SYN3: variants seen among roughly 807,000 people sequenced by gnomAD.
SYN3 encodes the protein synapsin III.
SYN3 carries 35 observed loss-of-function variants against 65.8 expected under a neutral mutation model. That is an observed-to-expected ratio of 0.53 (90% CI 0.41 to 0.70). The LOEUF (loss-of-function observed/expected upper bound fraction) is 0.70, where lower values mean the gene tolerates loss of function less well. SYN3 is among the 30% of genes least tolerant of loss of function. The probability of loss-of-function intolerance (pLI) is 0.00; values close to 1 mark genes in which losing one functional copy is unlikely to be tolerated. For synonymous variants in SYN3, 270 were observed against 292.9 expected, an observed-to-expected ratio of 0.92 and a Z score of 0.80; for missense variants, 680 against 749.0, an observed-to-expected ratio of 0.91 and a Z score of 1.08.
intron 7 of SYN3, among the ~76,000 whole-genome samples, chr22:32,564,650 C>A (rs1269109526): frequency 2.0e-5 from 3 of 150,834 alleles, no homozygotes; most frequent in African/African-American, 7.3e-5. Context: ...TGCTCCCGGA[C>A]TGTACACAAA....
chr22:32,919,884 A>G (rs753207921), intron 4 of SYN3, among the ~76,000 whole-genome samples: 2 of 152,170 alleles, frequency 1.3e-5, no homozygotes, highest in African/African-American at 4.8e-5. Flanking sequence ...AAATGGGGAC[A>G]CATAGAAAAG....
chr22:32,762,993 A>T (rs983689723), intron 6 of SYN3, among the ~76,000 whole-genome samples: 1 of 152,216 alleles, frequency 6.6e-6, no homozygotes, highest in Admixed American at 6.5e-5. Context: ...CTAAATAACA[A>T]TAGCTACAAT....
chr22:32,942,120 T>A (rs568369309), intron 3 of SYN3, among the ~76,000 whole-genome samples: 1 of 152,316 alleles, frequency 6.6e-6, no homozygotes, highest in East Asian at 1.9e-4. Context: ...GCATGGAGTT[T>A]GAGATCTGAG....
chr22:32,869,201 G>A (rs912966800), intron 4 of SYN3, 76 bp from the exon 5 acceptor site: 1 of 1,532,932 alleles, frequency 6.5e-7, no homozygotes. Flanking sequence ...AGCTTGCTGG[G>A]GATGATAGCA....
In SYN3 at chr22:32,871,091, G is replaced by A. The variant is rs866871581; in HGVS notation, c.462-1966C>T. Among the ~76,000 whole-genome samples, 27 of 152,324 alleles carry A rather than the reference G, an allele frequency of 1.8e-4. 1 individual carries two copies. The highest frequency in any genetic ancestry group is 6.8e-3 in the Middle Eastern group (2 of 294). On this transcript the variant is annotated intron_variant, in intron 4 of 13. Coordinates refer to ENST00000358763, the MANE Select transcript of SYN3 (RefSeq NM_003490.4). The stretch of plus-strand genomic sequence containing the variant: ...ATCACAGACAACAGTGGCAGCAAAC[G>A]TGGTGTCTTACTAAGAATAACCCCA...
chr22:33,009,884 A>G (rs1306362593), intron 1 of SYN3, among the ~76,000 whole-genome samples: 1 of 151,904 alleles, frequency 6.6e-6, no homozygotes, highest in Non-Finnish European at 1.5e-5. Context: ...ATTTTTATGA[A>G]ACCTAATTTA....
chr22:33,000,201 T>C (rs1180921784), intron 2 of SYN3, among the ~76,000 whole-genome samples: 1 of 152,016 alleles, frequency 6.6e-6, no homozygotes, highest in Non-Finnish European at 1.5e-5. Flanking sequence ...CCCCACCTCA[T>C]TTAAAAACAA....
chr22:32,671,366 TCACACTCACCTG>T (rs1418905819), intron 6 of SYN3, among the ~76,000 whole-genome samples: 2 of 151,714 alleles, frequency 1.3e-5, no homozygotes, highest in Admixed American at 1.3e-4. Flanking sequence ...TCTTACTTCC[TCACACTCACCTG>T]CACACTCACC....
intron 2 of SYN3, among the ~76,000 whole-genome samples, chr22:32,997,769 G>C (rs924421503): frequency 2.6e-5 from 4 of 152,144 alleles, no homozygotes; most frequent in Non-Finnish European, 5.9e-5. Flanking sequence ...GCTCACGTCT[G>C]TAACCCCAGC....
At chr22:32,936,607 A>T (rs2050783063) in intron 3 of SYN3, among the ~76,000 whole-genome samples, 1 of 152,242 alleles carries the variant, frequency 6.6e-6, no homozygotes, top group African/African-American at 2.4e-5. Flanking sequence ...GCCAGGAAAA[A>T]GCCATTAGGA....
chr22:32,752,498 A>T (rs2145663051), intron 6 of SYN3, among the ~76,000 whole-genome samples: 1 of 152,336 alleles, frequency 6.6e-6, no homozygotes, highest in Admixed American at 6.5e-5. Context: ...CGATTAAATT[A>T]AAATGACTCA....
At chr22:32,988,350 A>ATAATAAAG (rs2052598609) in intron 2 of SYN3, among the ~76,000 whole-genome samples, 3 of 148,916 alleles carry the variant, frequency 2.0e-5, no homozygotes, top group Non-Finnish European at 3.0e-5. Context: ...TAATAATAAA[A>ATAATAAAG]TAAATAGATA....
chr22:32,897,100 A>T (rs2049613799), intron 4 of SYN3, among the ~76,000 whole-genome samples: 1 of 152,082 alleles, frequency 6.6e-6, no homozygotes, highest in Admixed American at 6.5e-5. Context: ...GGGGCCAAGT[A>T]GGTTGTGAAG....
In SYN3 at chr22:32,966,467, G is replaced by A. The variant is rs537280766; in HGVS notation, c.369+14178C>T. On this transcript the variant is annotated intron_variant, in intron 3 of 13. Coordinates refer to ENST00000358763, the MANE Select transcript of SYN3 (RefSeq NM_003490.4). ...AGCAAGGAAAGGCAGGCAGGGGCAA[G>A]CTCATGGAGGGCCTTGTGTGCAGAG... is the stretch of plus-strand genomic sequence containing the variant. 2.6e-5 allele frequency among the ~76,000 whole-genome samples: 4 copies of A among 152,264 alleles called. 1 individual carries two copies. In the South Asian group the frequency reaches 8.3e-4, roughly 32 times the overall value.
chr22:32,844,303 A>ACG (rs1569270019), intron 6 of SYN3, among the ~76,000 whole-genome samples: 1 of 152,016 alleles, frequency 6.6e-6, no homozygotes, highest in African/African-American at 2.4e-5. Flanking sequence ...TTCTGGAGAC[A>ACG]CACCAGTAAG....
chr22:32,971,141 T>G (rs1296184385), intron 3 of SYN3, among the ~76,000 whole-genome samples: 1 of 152,226 alleles, frequency 6.6e-6, no homozygotes. Flanking sequence ...TTATTGTTTC[T>G]CCATTTTCTG....
chr22:32,653,105 C>A (rs2060095612), intron 6 of SYN3, among the ~76,000 whole-genome samples: 1 of 152,146 alleles, frequency 6.6e-6, no homozygotes, highest in Non-Finnish European at 1.5e-5. Context: ...ATGCATTTGT[C>A]ATTTCTTCCC....
intron 1 of SYN3, among the ~76,000 whole-genome samples, chr22:33,046,683 A>C (rs1003042108): frequency 2.6e-5 from 4 of 151,898 alleles, no homozygotes; most frequent in African/African-American, 9.7e-5. Context: ...TTTACTAAAA[A>C]TACAAACAAA....
At chr22:32,848,821 G>A (rs906414054) in intron 6 of SYN3, among the ~76,000 whole-genome samples, 1 of 152,156 alleles carries the variant, frequency 6.6e-6, no homozygotes, top group East Asian at 1.9e-4. Flanking sequence ...TCTGGCTCCT[G>A]AGCCCCGACT....
Sources: allele counts gnomAD v4.1 joint callset (sites outside exome capture counted in the v4.1 genomes callset), GRCh38; gene constraint gnomAD v4.1.1; transcripts MANE v1.5; gene names NCBI Gene and HGNC (gene_info 2026-07-23, HGNC 2026-07-21).